Variants in GPRASP3 observed in about 807,000 individuals in gnomAD.
The protein encoded by GPRASP3 is G protein-coupled receptor associated sorting protein family member 3, also known as G protein-coupled receptor associated sorting protein 3.
chrX:102,745,479 A>G, the GPRASP3 span, among the ~76,000 whole-genome samples: 12 of 110,955 alleles, frequency 1.1e-4, no homozygotes, highest in African/African-American at 3.9e-4. Context: ...TGAAGCTGGG[A>G]AAGAAACGCA....
At chrX:102,724,587 C>T in the GPRASP3 span, among the ~76,000 whole-genome samples, 144 of 110,776 alleles carry the variant, frequency 1.3e-3, 4 homozygotes, top group South Asian at 0.051. Flanking sequence ...GTGGGTATTG[C>T]ATTTATATTT....
chrX:102,743,194 T>A, the GPRASP3 span, among the ~76,000 whole-genome samples: 108 of 110,013 alleles, frequency 9.8e-4, no homozygotes, highest in Non-Finnish European at 1.6e-3. Flanking sequence ...TTTTTTTTTT[T>A]AATCTTATTA....
At chrX:102,731,624 C>CA in the GPRASP3 span, among the ~76,000 whole-genome samples, 1,219 of 91,121 alleles carry the variant, frequency 0.013, 30 homozygotes, top group South Asian at 0.051. Flanking sequence ...GACTCCAACT[C>CA]AAAAAAAAAA....
the GPRASP3 span, among the ~76,000 whole-genome samples, chrX:102,736,551 A>C: frequency 8.9e-6 from 1 of 111,931 alleles, no homozygotes; most frequent in African/African-American, 3.2e-5. Flanking sequence ...ATGGATCCCC[A>C]AAATTAAGGG....
chrX:102,749,283 C>T, the GPRASP3 span: 7 of 1,211,272 alleles, frequency 5.8e-6, no homozygotes, highest in Non-Finnish European at 7.8e-6. Context: ...GGAATGAGTC[C>T]ACCAGCTCCA....
At chrX:102,726,679 A>T in the GPRASP3 span, among the ~76,000 whole-genome samples, 4 of 112,460 alleles carry the variant, frequency 3.6e-5, no homozygotes, top group African/African-American at 1.3e-4. Flanking sequence ...AACTGTCGAC[A>T]CTGTAAATGT....
chrX:102,749,360 G>C, the GPRASP3 span: 1 of 1,210,293 alleles, frequency 8.3e-7, no homozygotes, highest in Non-Finnish European at 1.1e-6. Flanking sequence ...ATCAATTCCT[G>C]GTTCTGGAAT....
chrX:102,741,180 G>A, the GPRASP3 span, among the ~76,000 whole-genome samples: 2 of 111,941 alleles, frequency 1.8e-5, no homozygotes, highest in African/African-American at 6.5e-5. Context: ...GAGCAAGAGT[G>A]GAAGTTTATT....
the GPRASP3 span, among the ~76,000 whole-genome samples, chrX:102,743,746 G>T: frequency 9.2e-6 from 1 of 108,750 alleles, no homozygotes; most frequent in Admixed American, 9.9e-5. Flanking sequence ...GGTGCTGATT[G>T]GTTGGGGGTG....
the GPRASP3 span, among the ~76,000 whole-genome samples, chrX:102,738,361 A>G: frequency 8.9e-6 from 1 of 112,392 alleles, no homozygotes; most frequent in African/African-American, 3.2e-5. Flanking sequence ...CCATGGTCCC[A>G]TCTCATTACA....
the GPRASP3 span, chrX:102,750,951 T>C: frequency 5.7e-6 from 1 of 175,568 alleles, no homozygotes; most frequent in African/African-American, 3.0e-5. Flanking sequence ...CTTGAGTTTG[T>C]AATCTAGTTA....
chrX:102,725,180 G>A, the GPRASP3 span, among the ~76,000 whole-genome samples: 1 of 111,888 alleles, frequency 8.9e-6, no homozygotes, highest in African/African-American at 3.3e-5. Context: ...GTCAAGGCCA[G>A]GACTAGAATG....
chrX:102,735,202 T>C, the GPRASP3 span, among the ~76,000 whole-genome samples: 3 of 111,848 alleles, frequency 2.7e-5, no homozygotes, highest in East Asian at 2.8e-4. Context: ...TAAAATGTTA[T>C]AGACAAATCT....
the GPRASP3 span, among the ~76,000 whole-genome samples, chrX:102,722,240 A>T: frequency 9.0e-6 from 1 of 111,436 alleles, no homozygotes; most frequent in African/African-American, 3.3e-5. Context: ...CTCAGGTTCA[A>T]TAATTTGCTA....
At chrX:102,750,040 G>A in the GPRASP3 span, 3 of 1,200,521 alleles carry the variant, frequency 2.5e-6, no homozygotes, top group Non-Finnish European at 3.4e-6. Flanking sequence ...GATTGCAATG[G>A]GTGTCCATAA....
chrX:102,730,555 G>A, the GPRASP3 span, among the ~76,000 whole-genome samples: 1 of 112,304 alleles, frequency 8.9e-6, no homozygotes, highest in African/African-American at 3.2e-5. Flanking sequence ...AAAGAGCATG[G>A]AATCACAGAA....
At chrX:102,730,291 C>T in the GPRASP3 span, among the ~76,000 whole-genome samples, 3 of 111,318 alleles carry the variant, frequency 2.7e-5, no homozygotes, top group Admixed American at 9.5e-5. Flanking sequence ...TTCCAGAAGG[C>T]GGAGCTCAGG....
At chrX:102,750,213 G>A in the GPRASP3 span, 20 of 1,202,372 alleles carry the variant, frequency 1.7e-5, no homozygotes, top group Non-Finnish European at 2.2e-5. Context: ...TACATGTTAA[G>A]CATATGTGTA....
chrX:102,733,937 A>G, the GPRASP3 span, among the ~76,000 whole-genome samples: 1 of 109,348 alleles, frequency 9.1e-6, no homozygotes, highest in Non-Finnish European at 1.9e-5. Context: ...TTGGGTAGGT[A>G]AAGGAAAATT....
Sources: gnomAD v4.1 joint callset for allele counts (sites outside exome capture counted in the v4.1 genomes callset) on GRCh38, gnomAD v4.1.1 for gene constraint, MANE v1.5 for transcripts, NCBI Gene and HGNC (gene_info 2026-07-23, HGNC 2026-07-21) for gene names.